FMN1: variants seen among roughly 807,000 people sequenced by gnomAD.
FMN1 encodes the protein formin-1.
A neutral mutation model predicts 132.4 loss-of-function variants in FMN1; 110 were observed. The ratio of observed to expected loss-of-function variants is 0.83; its 90% CI spans 0.71 to 0.97. FMN1 has a LOEUF of 0.97. FMN1 is among the 50% of genes least tolerant of loss of function. The pLI is 0.00. For synonymous variants in FMN1, 722 were observed against 651.7 expected (o/e 1.11, Z -1.64); for missense variants, 1,792 against 1,705.3 (o/e 1.05, Z -0.90).
intron 2 of FMN1, among the ~76,000 whole-genome samples, chr15:33,192,726 G>GA (rs936747568): frequency 2.0e-5 from 3 of 152,000 alleles, no homozygotes; most frequent in African/African-American, 7.3e-5. Context: ...AAAGACAATG[G>GA]AAAAAAATGC....
chr15:33,150,831 G>A (rs1469468264), intron 4 of FMN1: 6 of 988,902 alleles, frequency 6.1e-6, no homozygotes, highest in Non-Finnish European at 6.0e-6. Flanking sequence ...ACTTAATCTG[G>A]TTAATAGCTA....
At chr15:33,009,064 T>C (rs566508640) in intron 6 of FMN1, among the ~76,000 whole-genome samples, 1 of 152,330 alleles carries the variant, frequency 6.6e-6, no homozygotes, top group East Asian at 1.9e-4. Flanking sequence ...GCCAGAAAAG[T>C]AGTGTTGCTG....
chr15:32,835,194 G>A (rs867328053), intron 17 of FMN1, among the ~76,000 whole-genome samples: 2 of 152,264 alleles, frequency 1.3e-5, no homozygotes, highest in South Asian at 2.1e-4. Context: ...GCTGGGATAC[G>A]TGTCAGGCCT....
intron 9 of FMN1, among the ~76,000 whole-genome samples, chr15:32,945,491 C>A (rs1384660161): frequency 6.6e-6 from 1 of 152,172 alleles, no homozygotes; most frequent in African/African-American, 2.4e-5. Flanking sequence ...AAAACTTCAA[C>A]CCAGTCTCAC....
At chr15:32,964,459 C>T (rs543837977) in intron 8 of FMN1, among the ~76,000 whole-genome samples, 19 of 152,266 alleles carry the variant, frequency 1.2e-4, no homozygotes, top group Non-Finnish European at 2.2e-4. Flanking sequence ...CACACACAGA[C>T]GTATTTCCAA....
chr15:32,983,912 G>A (rs2032877674), intron 7 of FMN1, among the ~76,000 whole-genome samples: 1 of 152,170 alleles, frequency 6.6e-6, no homozygotes, highest in South Asian at 2.1e-4. Flanking sequence ...GCCACATTCA[G>A]TATCATTCTT....
chr15:33,168,366 T>C (rs1965189597), intron 3 of FMN1, among the ~76,000 whole-genome samples: 1 of 152,226 alleles, frequency 6.6e-6, no homozygotes, highest in Non-Finnish European at 1.5e-5. Flanking sequence ...CTATGATCTA[T>C]GTGCCCCTTG....
intron 16 of FMN1, among the ~76,000 whole-genome samples, chr15:32,881,452 C>T (rs1456419630): frequency 6.6e-6 from 1 of 152,140 alleles, no homozygotes; most frequent in East Asian, 1.9e-4. Context: ...AAGAATTCTA[C>T]TATCGTTCTA....
At chr15:32,819,087 C>G (rs888913418) in intron 17 of FMN1, among the ~76,000 whole-genome samples, 3 of 152,116 alleles carry the variant, frequency 2.0e-5, no homozygotes, top group African/African-American at 7.2e-5. Context: ...ACATGATCTG[C>G]GAAGGCAGGC....
chr15:32,851,991 T>C (rs1409103420), intron 17 of FMN1, among the ~76,000 whole-genome samples: 1 of 152,220 alleles, frequency 6.6e-6, no homozygotes, highest in Non-Finnish European at 1.5e-5. Context: ...TACAGAAGTA[T>C]CTTTTCTCAG....
chr15:32,883,969 C>T (rs2059834099), intron 16 of FMN1, among the ~76,000 whole-genome samples: 1 of 152,126 alleles, frequency 6.6e-6, no homozygotes, highest in Admixed American at 6.5e-5. Flanking sequence ...GTTCACATTT[C>T]AGGTAATATT....
At chr15:32,918,278 AAC>A (rs1567389813) in intron 10 of FMN1, among the ~76,000 whole-genome samples, 1 of 152,206 alleles carries the variant, frequency 6.6e-6, no homozygotes, top group Non-Finnish European at 1.5e-5. Context: ...CACACGAAGA[AAC>A]ACAAACAAAA....
At chr15:33,097,608 G>A (rs753284466) in intron 4 of FMN1, among the ~76,000 whole-genome samples, 5 of 152,092 alleles carry the variant, frequency 3.3e-5, no homozygotes, top group East Asian at 1.9e-4. Context: ...TTAAAGTGTC[G>A]AAACCACCTT....
chr15:32,903,485 T>C (rs2060345751), intron 12 of FMN1, among the ~76,000 whole-genome samples: 1 of 152,196 alleles, frequency 6.6e-6, no homozygotes, highest in South Asian at 2.1e-4. Context: ...GGAAGACGTA[T>C]TTATTCAGAT....
chr15:33,141,164 TTA>T (rs1963994518), intron 4 of FMN1, among the ~76,000 whole-genome samples: 1 of 152,192 alleles, frequency 6.6e-6, no homozygotes, highest in Non-Finnish European at 1.5e-5. Flanking sequence ...AATTTTAATT[TTA>T]TATTATTTAA....
rs1182723252 is a variant in FMN1 at position 32,767,701 on chromosome 15, G to A, written c.*6609C>T. 2.0e-5 allele frequency: 3 copies of A among 152,090 alleles called. No homozygotes were observed. The highest frequency in any genetic ancestry group is 4.4e-5 in the Non-Finnish European group (3 of 68,026). The allele number at this position is 152,090 out of a possible 1,614,324, so 9.4% of individuals were successfully genotyped here. On this transcript the variant is annotated 3_prime_UTR_variant, in exon 21 of 21. Coordinates refer to ENST00000616417, the MANE Select transcript of FMN1 (RefSeq NM_001277313.2). ...GATAAGACATCTAGCTGACAGTAGG[G>A]TCATATTACTTATGCCTTGGGAAAT... is the stretch of plus-strand genomic sequence containing the variant.
At chr15:32,852,388 G>A (rs1226468807) in intron 17 of FMN1, among the ~76,000 whole-genome samples, 1 of 148,268 alleles carries the variant, frequency 6.7e-6, no homozygotes, top group East Asian at 1.9e-4. Context: ...CCATTGCTTT[G>A]TTTGTTTGTT....
chr15:33,194,632 C>CAGG lies in FMN1; in HGVS notation c.-406_-404dup, dbSNP rs1966209636. The CAGG allele has an allele frequency of 6.6e-6, 1 of 152,348 alleles. No homozygotes were observed. Among genetic ancestry groups the CAGG allele is most frequent in the Non-Finnish European group, 1.5e-5 (1 of 68,218 alleles). The allele number at this position is 152,348 out of a possible 1,614,324, so 9.4% of individuals were successfully genotyped here. A position where few individuals can be genotyped will look rare whatever the true frequency, so the allele number is the denominator to read the frequency against. ...GTCCCAGCTACTCGGGAGGCTGAGG[C>CAGG]AGGAGGATTGCTTACGGCAACAGCC... On this transcript the variant is annotated 5_prime_UTR_variant, in exon 1 of 21. Transcript: ENST00000616417.
intron 10 of FMN1, among the ~76,000 whole-genome samples, chr15:32,925,619 C>G (rs780639252): frequency 9.9e-5 from 15 of 152,136 alleles, no homozygotes; most frequent in Non-Finnish European, 1.3e-4. Flanking sequence ...TTGTCTGGAT[C>G]CTCATTTAAA....
Sources: gnomAD v4.1 joint callset for allele counts (sites outside exome capture counted in the v4.1 genomes callset) on GRCh38, gnomAD v4.1.1 for gene constraint, MANE v1.5 for transcripts, NCBI Gene and HGNC (gene_info 2026-07-23, HGNC 2026-07-21) for gene names.